Variants in TIMP3 observed in about 807,000 individuals in gnomAD.
TIMP3 encodes the protein TIMP metallopeptidase inhibitor 3, also known as metalloproteinase inhibitor 3.
In TIMP3, 11 loss-of-function variants were observed where a neutral mutation model predicts 30.0. That is an observed-to-expected ratio of 0.37 (90% CI 0.23 to 0.61). The LOEUF (loss-of-function observed/expected upper bound fraction) is 0.61. Ranked by LOEUF, TIMP3 falls within the 20% of genes least tolerant of loss-of-function variation. TIMP3 has a pLI of 0.70. For synonymous variants in TIMP3, 112 were observed against 111.3 expected, an observed-to-expected ratio of 1.01 and a Z score of -0.04; for missense variants, 181 against 276.8, an observed-to-expected ratio of 0.65 and a Z score of 2.45.
chr22:32,851,727 T>G (rs780960633), intron 2 of TIMP3, among the ~76,000 whole-genome samples: 2 of 152,212 alleles, frequency 1.3e-5, no homozygotes, highest in Non-Finnish European at 2.9e-5. Flanking sequence ...AATCCTGTGT[T>G]CTTTATATGA....
chr22:32,818,703 G>T (rs1402801086), intron 1 of TIMP3, among the ~76,000 whole-genome samples: 1 of 152,118 alleles, frequency 6.6e-6, no homozygotes, highest in Admixed American at 6.6e-5. Context: ...ACCATTAACT[G>T]CAGTCAGAAA....
At chr22:32,843,224 C>T (rs1475567828) in intron 1 of TIMP3, among the ~76,000 whole-genome samples, 2 of 152,204 alleles carry the variant, frequency 1.3e-5, no homozygotes, top group Non-Finnish European at 1.5e-5. Flanking sequence ...AAAGAACATG[C>T]ACACGTTGCT....
intron 1 of TIMP3, among the ~76,000 whole-genome samples, chr22:32,809,742 A>T (rs1569241649): frequency 6.6e-6 from 1 of 152,252 alleles, no homozygotes; most frequent in Non-Finnish European, 1.5e-5. Flanking sequence ...TGGTGTTTTC[A>T]TAAGCCTGGG....
At chr22:32,844,712 C>CT (rs1376474600) in intron 1 of TIMP3, among the ~76,000 whole-genome samples, 2,062 of 143,758 alleles carry the variant, frequency 0.014, 30 homozygotes, top group African/African-American at 0.036. Flanking sequence ...CTTCTTCTTC[C>CT]TTTTTTTTTT....
intron 1 of TIMP3, among the ~76,000 whole-genome samples, chr22:32,824,503 C>T (rs746241589): frequency 2.6e-5 from 4 of 151,880 alleles, no homozygotes; most frequent in Non-Finnish European, 5.9e-5. Flanking sequence ...GTCTGGAGCT[C>T]ACTGAAGAAT....
At position 32,849,544 on chromosome 22, in the gene TIMP3, G is replaced by C. The variant is rs971317297; in HGVS notation, c.204+10G>C. ...CATCAAGCAGATGAAGGTAGGTAAT[G>C]TCATCACCCTGGCTCCGGGAAGGTT... is the stretch of plus-strand genomic sequence containing the variant. On this transcript the variant is annotated intron_variant, in intron 2 of 4. Transcript: ENST00000266085. The C allele has an allele frequency of 2.5e-6, 4 of 1,612,174 alleles. No homozygotes were observed. The African/African-American group carries it at 5.3e-5, about 22-fold the overall frequency.
At chr22:32,813,603 A>G (rs1015036852) in intron 1 of TIMP3, among the ~76,000 whole-genome samples, 8 of 151,626 alleles carry the variant, frequency 5.3e-5, no homozygotes, top group African/African-American at 1.9e-4. Context: ...TGTGATCTGG[A>G]ATCCATTTTA....
intron 1 of TIMP3, among the ~76,000 whole-genome samples, chr22:32,844,386 A>C (rs2146212783): frequency 1.3e-5 from 2 of 152,344 alleles, no homozygotes. Context: ...ACTGTGGTCC[A>C]TACTGCTAGA....
intron 1 of TIMP3, among the ~76,000 whole-genome samples, chr22:32,821,004 T>C (rs1324026219): frequency 2.0e-5 from 3 of 152,124 alleles, no homozygotes; most frequent in Non-Finnish European, 4.4e-5. Context: ...CCCAGGTGGC[T>C]TCATGCTCTT....
chr22:32,825,976 T>C (rs1272412428), intron 1 of TIMP3, among the ~76,000 whole-genome samples: 1 of 152,200 alleles, frequency 6.6e-6, no homozygotes, highest in South Asian at 2.1e-4. Flanking sequence ...TATAGTAGCA[T>C]AGGGAAAAGT....
rs187986900 is a variant in TIMP3 at position 32,809,587 on chromosome 22, C to T, written c.121+7465C>T. On this transcript the variant is annotated intron_variant, in intron 1 of 4. Transcript: ENST00000266085. ...AAGTTCTGTGTTTGGAACAGTTATC[C>T]GACACAATTTCATGTGTTGAGTGTT... Among the ~76,000 whole-genome samples, 111 of 152,144 alleles carry T rather than the reference C, an allele frequency of 7.3e-4. 1 individual carries two copies. Among genetic ancestry groups the T allele is most frequent in the African/African-American group, 2.3e-3 (96 of 41,500 alleles).
In TIMP3 at chr22:32,802,137, T is replaced by A; in HGVS notation, c.121+15T>A. ...CTCCGACATCGGTAAGCGCTCCTGG[T>A]GCCCCGCCCGAGCCCCACGCTGCAG... On this transcript the variant is annotated intron_variant, in intron 1 of 4. Coordinates refer to ENST00000266085, the MANE Select transcript of TIMP3 (RefSeq NM_000362.5). 6.3e-7 allele frequency: 1 copy of A among 1,575,200 alleles called. No individual in the cohort carries two copies. The highest frequency in any genetic ancestry group is 8.6e-7 in the Non-Finnish European group (1 of 1,167,000).
chr22:32,813,351 G>A (rs1306014622), intron 1 of TIMP3, among the ~76,000 whole-genome samples: 1 of 152,172 alleles, frequency 6.6e-6, no homozygotes, highest in Non-Finnish European at 1.5e-5. Context: ...GAACCGTACA[G>A]TCCAGGTCCC....
At position 32,803,201 on chromosome 22, in the gene TIMP3, T is replaced by G. The variant is rs189824319; in HGVS notation, c.121+1079T>G. 3.4e-3 allele frequency among the ~76,000 whole-genome samples: 519 copies of G among 152,048 alleles called. 3 individuals carry two copies. Among genetic ancestry groups the G allele is most frequent in the Non-Finnish European group, 5.3e-3 (358 of 67,976 alleles). ...GCTGGGCGGTGGGGTGGGACAGCCT[T>G]GCCGCCCTCTGCCTGTGTCGATTCA... On this transcript the variant is annotated intron_variant, in intron 1 of 4. Transcript: ENST00000266085.
intron 1 of TIMP3, among the ~76,000 whole-genome samples, chr22:32,803,682 C>T (rs1261962567): frequency 5.9e-5 from 9 of 152,190 alleles, no homozygotes; most frequent in Non-Finnish European, 1.2e-4. Flanking sequence ...GTAACATTCC[C>T]ACCTGATTAG....
rs1426093452 is a variant in TIMP3, at chr22:32,837,073, C to G, written c.122-12379C>G. Among the ~76,000 whole-genome samples the G allele has an allele frequency of 6.6e-6, 1 of 152,174 alleles. No homozygotes were observed. Among genetic ancestry groups the G allele is most frequent in the Non-Finnish European group, 1.5e-5 (1 of 68,032 alleles). On this transcript the variant is annotated intron_variant, in intron 1 of 4. Transcript: ENST00000266085. The surrounding 1 kb of genome is among the most constrained non-coding windows in gnomAD (Gnocchi z 4.1). ...AGAGTCCCTCAGCTCTCCTAGCAAA[C>G]AAAATCCCAATTAGGAGAAAAATAA...
intron 1 of TIMP3, among the ~76,000 whole-genome samples, chr22:32,814,207 A>C (rs2047004810): frequency 6.9e-6 from 1 of 144,380 alleles, no homozygotes; most frequent in African/African-American, 2.6e-5. Flanking sequence ...GAAAGAAAGA[A>C]AACAAAGAAA....
chr22:32,850,808 T>C (rs1055390781), intron 2 of TIMP3, among the ~76,000 whole-genome samples: 1 of 152,066 alleles, frequency 6.6e-6, no homozygotes, highest in Non-Finnish European at 1.5e-5. Context: ...CCCACAGGCC[T>C]GGAAACTCCC....
At chr22:32,827,247 C>T (rs1324312680) in intron 1 of TIMP3, among the ~76,000 whole-genome samples, 1 of 152,200 alleles carries the variant, frequency 6.6e-6, no homozygotes, top group Non-Finnish European at 1.5e-5. Context: ...TAGCTTACCC[C>T]TGTCTGGCAC....
Sources: allele counts gnomAD v4.1 joint callset (sites outside exome capture counted in the v4.1 genomes callset), GRCh38; gene constraint gnomAD v4.1.1; non-coding constraint Gnocchi (gnomAD v3.1); transcripts MANE v1.5; gene names NCBI Gene and HGNC (gene_info 2026-07-23, HGNC 2026-07-21).